The following PAM variants were observed in gnomAD, a reference collection of about 807,000 sequenced individuals.
PAM encodes peptidyl-glycine alpha-amidating monooxygenase.
PAM carries 72 observed loss-of-function variants against 122.1 expected under a neutral mutation model. The observed-to-expected ratio is 0.59, with a 90% CI of 0.49 to 0.72. PAM has a LOEUF of 0.72. PAM is among the 30% of genes least tolerant of loss of function. The probability of loss-of-function intolerance (pLI) is 0.00; values close to 1 mark genes in which losing one functional copy is unlikely to be tolerated. For missense variants in PAM, 1,106 were observed against 1,183.7 expected (o/e 0.93, Z 0.96); for synonymous variants, 389 against 404.4 (o/e 0.96, Z 0.46).
At chr5:102,773,888 A>C (rs1489140387) in intron 1 of PAM, among the ~76,000 whole-genome samples, 1 of 151,860 alleles carries the variant, frequency 6.6e-6, no homozygotes, top group East Asian at 1.9e-4. Flanking sequence ...ACTCAAGTAG[A>C]CCCCAGTATC....
rs906562897 is a variant in PAM at position 102,805,570 on chromosome 5, C to T, written c.-374+50222C>T. 1.1e-4 allele frequency among the ~76,000 whole-genome samples: 16 copies of T among 152,240 alleles called. No homozygotes were observed. The East Asian group carries it at 3.1e-3, about 29-fold the overall frequency. On this transcript the variant is annotated intron_variant, in intron 1 of 25. Coordinates refer to ENST00000438793, the MANE Select transcript of PAM (RefSeq NM_001177306.2). The stretch of plus-strand genomic sequence containing the variant: ...GGTAGGTTTTGCCCCTGCTCCAGGT[C>T]CGTTTCTAACCTCTGGACCTCATGC...
intron 15 of PAM, among the ~76,000 whole-genome samples, chr5:102,981,422 T>C (rs557263717): frequency 1.8e-4 from 28 of 152,366 alleles, no homozygotes; most frequent in Non-Finnish European, 2.6e-4. Context: ...AGCATTTTCA[T>C]TGAGTATTCT....
intron 5 of PAM, among the ~76,000 whole-genome samples, chr5:102,924,433 CA>C (rs989089756): frequency 4.2e-3 from 220 of 52,204 alleles, no homozygotes; most frequent in East Asian, 0.01. Context: ...AACTCCGTCT[CA>C]AAAAAAAAAA....
Position 102,948,429 on chromosome 5 carries a change from C to A in PAM, c.627C>A (p.Ile209=). The A allele has an allele frequency of 6.4e-7, 1 of 1,565,980 alleles. No homozygotes were observed. The highest frequency in any genetic ancestry group is 8.8e-7 in the Non-Finnish European group (1 of 1,138,224). Residue 209 remains isoleucine (I), a synonymous_variant, in exon 9 of 26, where the codon ATC becomes ATA. Transcript: ENST00000438793. ...TTATGATGTCTGTTGACACTGTTAT[C>A]CCAGCAGGAGAAAAAGGTGAGTAAT... ...MYLMMSVDTV[I]PAGEKVVNSD...
At chr5:102,806,183 AC>A (rs1474360583) in intron 1 of PAM, among the ~76,000 whole-genome samples, 2 of 151,968 alleles carry the variant, frequency 1.3e-5, no homozygotes, top group Non-Finnish European at 1.5e-5. Context: ...TGCTTTTTCC[AC>A]CCTAATTCTG....
intron 1 of PAM, among the ~76,000 whole-genome samples, chr5:102,780,827 C>CTTTCTTTG (rs1208098009): frequency 8.4e-6 from 1 of 119,362 alleles, no homozygotes; most frequent in Non-Finnish European, 1.8e-5. Flanking sequence ...TTCTTTCTTT[C>CTTTCTTTG]TTTCTTTCTC....
chr5:102,958,830 A>G (rs959391053), intron 12 of PAM, among the ~76,000 whole-genome samples: 4 of 152,104 alleles, frequency 2.6e-5, no homozygotes, highest in Non-Finnish European at 1.5e-5. Context: ...GCTGCATGAC[A>G]TTGCTGGAAA....
At chr5:102,979,735 GA>G (rs1246191459) in intron 15 of PAM, among the ~76,000 whole-genome samples, 19 of 151,840 alleles carry the variant, frequency 1.3e-4, no homozygotes, top group African/African-American at 4.6e-4. Context: ...TCTCTTTCTG[GA>G]AAAGTATAAT....
chr5:102,943,756 GT>G (rs1382318991), intron 7 of PAM, among the ~76,000 whole-genome samples: 1 of 152,032 alleles, frequency 6.6e-6, no homozygotes, highest in Non-Finnish European at 1.5e-5. Context: ...TTCCCTTTCG[GT>G]TCTGAGATTC....
chr5:103,017,712 A>G (rs1348069264), intron 22 of PAM, among the ~76,000 whole-genome samples: 1 of 152,156 alleles, frequency 6.6e-6, no homozygotes, highest in East Asian at 1.9e-4. Context: ...TTCCAGAAGG[A>G]GAGAGGGGGC....
intron 1 of PAM, among the ~76,000 whole-genome samples, chr5:102,817,766 C>A (rs1019533784): frequency 5.3e-5 from 8 of 152,016 alleles, no homozygotes; most frequent in Non-Finnish European, 1.0e-4. Context: ...TCAAAACACT[C>A]CAGAGGCTTC....
chr5:102,831,872 TTCTCTCTCTC>T (rs35019489), intron 1 of PAM, among the ~76,000 whole-genome samples: 3 of 148,666 alleles, frequency 2.0e-5, no homozygotes, highest in Non-Finnish European at 4.5e-5. Context: ...GGAACTAGTC[TTCTCTCTCTC>T]TCTCTCTCTC....
At chr5:102,945,175 T>C (rs1026127203) in intron 7 of PAM, among the ~76,000 whole-genome samples, 4 of 152,066 alleles carry the variant, frequency 2.6e-5, no homozygotes, top group Non-Finnish European at 4.4e-5. Flanking sequence ...AGTTTCTTAC[T>C]GGTATAAATG....
At chr5:103,010,212 G>A (rs1826673) in intron 21 of PAM, among the ~76,000 whole-genome samples, 37,983 of 152,010 alleles carry the variant, frequency 0.25, 5,251 homozygotes, top group East Asian at 0.44. Context: ...CATCCAAGTA[G>A]AGAAAACATC....
chr5:102,920,500 A>G (rs1290430795), intron 5 of PAM, among the ~76,000 whole-genome samples: 2 of 152,102 alleles, frequency 1.3e-5, no homozygotes, highest in African/African-American at 4.8e-5. Context: ...TTCATTATGT[A>G]TCATTCTAAT....
At chr5:102,771,161 C>A (rs1380469181) in intron 1 of PAM, among the ~76,000 whole-genome samples, 1 of 152,068 alleles carries the variant, frequency 6.6e-6, no homozygotes, top group Non-Finnish European at 1.5e-5. Context: ...ATTTTAGATT[C>A]TCTTCAGAAA....
chr5:102,788,444 G>T (rs1021297714), intron 1 of PAM, among the ~76,000 whole-genome samples: 2 of 151,958 alleles, frequency 1.3e-5, no homozygotes, highest in African/African-American at 4.8e-5. Flanking sequence ...ATTTATTTTT[G>T]ATAGAAACTA....
At chr5:102,829,185 C>A (rs1774621249) in intron 1 of PAM, among the ~76,000 whole-genome samples, 2 of 152,026 alleles carry the variant, frequency 1.3e-5, no homozygotes, top group Non-Finnish European at 2.9e-5. Context: ...AGGTTGTGTA[C>A]TCTAAATTTT....
At chr5:102,871,520 G>A (rs1218355516) in intron 3 of PAM, among the ~76,000 whole-genome samples, 1 of 151,650 alleles carries the variant, frequency 6.6e-6, no homozygotes. Flanking sequence ...ATCTTTCAGT[G>A]TCCTTAAGTA....
Sources: gnomAD v4.1 joint callset for allele counts (sites outside exome capture counted in the v4.1 genomes callset) on GRCh38, gnomAD v4.1.1 for gene constraint, MANE v1.5 for transcripts, NCBI Gene and HGNC (gene_info 2026-07-23, HGNC 2026-07-21) for gene names.